Variants in CNTN6 observed in about 807,000 individuals in gnomAD.
CNTN6 encodes contactin-6.
A neutral mutation model predicts 122.8 loss-of-function variants in CNTN6; 137 were observed. The observed-to-expected ratio is 1.12, with a 90% confidence interval of 0.97 to 1.29. The LOEUF is 1.29. Among genes scored for constraint, CNTN6 ranks in the 50% most tolerant of loss-of-function variants. The pLI is 0.00. For missense variants in CNTN6, 1,634 were observed against 1,223.4 expected (o/e 1.34, Z -5.01); for synonymous variants, 570 against 426.0 (o/e 1.34, Z -4.16).
At chr3:1,287,918 C>T (rs953808026) in intron 5 of CNTN6, among the ~76,000 whole-genome samples, 10 of 152,194 alleles carry the variant, frequency 6.6e-5, no homozygotes, top group African/African-American at 2.4e-4. Context: ...CAAGGAATAA[C>T]CACGAAAATA....
intron 8 of CNTN6, among the ~76,000 whole-genome samples, chr3:1,322,235 G>C (rs1438416081): frequency 1.3e-5 from 2 of 151,562 alleles, no homozygotes; most frequent in Admixed American, 6.6e-5. Flanking sequence ...ATACTGCATG[G>C]TGGTTTATAA....
intron 1 of CNTN6, among the ~76,000 whole-genome samples, chr3:1,146,389 T>C (rs931478789): frequency 1.3e-5 from 2 of 152,122 alleles, no homozygotes; most frequent in Non-Finnish European, 2.9e-5. Flanking sequence ...TTTAGGAAGC[T>C]AGTCTCATCC....
chr3:1,295,932 A>T (rs41293393), intron 6 of CNTN6, 128 bp downstream of exon 6: 22,927 of 731,268 alleles, frequency 0.031, 498 homozygotes, highest in Middle Eastern at 0.037. Context: ...CAATTCACAA[A>T]TATGTAAACC....
intron 2 of CNTN6, among the ~76,000 whole-genome samples, chr3:1,176,646 C>T (rs913763602): frequency 4.6e-5 from 7 of 152,142 alleles, no homozygotes; most frequent in Non-Finnish European, 1.0e-4. Flanking sequence ...AAAATATCTA[C>T]AGGTATCATA....
intron 1 of CNTN6, among the ~76,000 whole-genome samples, chr3:1,119,322 C>CGTGTGTTTGTGTGTGT (rs2091857734): frequency 7.9e-6 from 1 of 126,490 alleles, no homozygotes. Context: ...ACAGAAAAAT[C>CGTGTGTTTGTGTGTGT]GTGTGTGTGT....
In CNTN6 at chr3:1,366,195, A is replaced by G. The variant is rs548439404; in HGVS notation, c.1493-6104A>G. Among the ~76,000 whole-genome samples, 8 of 152,310 alleles carry G rather than the reference A, an allele frequency of 5.3e-5. No individual in the cohort carries two copies. The South Asian group carries it at 1.2e-3, about 24-fold the overall frequency. ...TAGATCAGACTTCCTACAAATGGCT[A>G]AGGAATATGCAAGAAGAATAGCATG... On this transcript the variant is annotated intron_variant, in intron 12 of 22. Transcript: ENST00000446702.
At chr3:1,136,468 C>A (rs1435016475) in intron 1 of CNTN6, among the ~76,000 whole-genome samples, 1 of 152,152 alleles carries the variant, frequency 6.6e-6, no homozygotes, top group Non-Finnish European at 1.5e-5. Context: ...TCTTCAAGTT[C>A]TGTAATGTAC....
At chr3:1,369,289 T>G (rs967708670) in intron 12 of CNTN6, among the ~76,000 whole-genome samples, 6 of 152,166 alleles carry the variant, frequency 3.9e-5, no homozygotes, top group Admixed American at 3.9e-4. Context: ...CATTACTGTA[T>G]AGTAACTAAT....
Position 1,227,960 on chromosome 3 carries a change from A to T in CNTN6, c.325A>T (p.Ile109Phe), listed in dbSNP as rs944451419. 3 of 1,613,786 alleles carry T rather than the reference A, an allele frequency of 1.9e-6. No homozygotes were observed. Among genetic ancestry groups the T allele is most frequent in the African/African-American group, 2.7e-5 (2 of 74,928 alleles). Residue 109 changes from isoleucine to phenylalanine, a missense_variant, in exon 4 of 23, where the codon ATT (isoleucine) becomes TTT (phenylalanine). Coordinates refer to ENST00000446702, the MANE Select transcript of CNTN6 (RefSeq NM_001289080.2). ...CCTGGCCACCAATCTTCTGGGGACA[A>T]TTCTGAGTCGGAAGGCAAAGCTCCA... ...QCLATNLLGT[I>F]LSRKAKLQFA... is the part of the protein sequence containing the mutation.
At chr3:1,395,668 G>A (rs1360004119) in intron 20 of CNTN6, among the ~76,000 whole-genome samples, 1 of 152,064 alleles carries the variant, frequency 6.6e-6, no homozygotes, top group Non-Finnish European at 1.5e-5. Flanking sequence ...AATCACATTT[G>A]CAAACTCCTT....
Position 1,403,230 on chromosome 3 carries a change from G to C in CNTN6, c.2987-88G>C, listed in dbSNP as rs1022779592. ...TAAAATATGTTACTAGAAGAGAAAT[G>C]ATAGTATGAAATTGGGGTTTTGAAA... is the stretch of plus-strand genomic sequence containing the variant. On this transcript the variant is annotated intron_variant, in intron 22 of 22. Transcript: ENST00000446702. 9.7e-5 allele frequency: 70 copies of C among 722,560 alleles called. No individual in the cohort carries two copies. In the South Asian group the frequency reaches 1.2e-3, roughly 12 times the overall value. 44.8% of individuals were successfully genotyped at this position (722,560 alleles called of 1,614,324 possible).
chr3:1,245,898 T>G (rs1004357464), intron 4 of CNTN6, among the ~76,000 whole-genome samples: 1 of 151,572 alleles, frequency 6.6e-6, no homozygotes, highest in Non-Finnish European at 1.5e-5. Context: ...AATACACAAA[T>G]TTTTAGCTGA....
At chr3:1,275,099 G>T (rs556665082) in intron 4 of CNTN6, among the ~76,000 whole-genome samples, 2 of 152,112 alleles carry the variant, frequency 1.3e-5, no homozygotes, top group African/African-American at 2.4e-5. Flanking sequence ...TACAAAGGCC[G>T]ATCCTTCCAT....
chr3:1,175,889 G>C (rs1038850462), intron 2 of CNTN6, among the ~76,000 whole-genome samples: 1 of 152,190 alleles, frequency 6.6e-6, no homozygotes, highest in African/African-American at 2.4e-5. Flanking sequence ...TAGATACAAT[G>C]GAGAAGAAGG....
intron 19 of CNTN6, among the ~76,000 whole-genome samples, chr3:1,385,137 T>C (rs1285967993): frequency 1.3e-5 from 2 of 148,782 alleles, no homozygotes; most frequent in Non-Finnish European, 3.0e-5. Context: ...ATTTATTCTC[T>C]TTTTTTTTCA....
chr3:1,295,069 A>G (rs1330805617), intron 5 of CNTN6, among the ~76,000 whole-genome samples: 1 of 152,220 alleles, frequency 6.6e-6, no homozygotes, highest in Non-Finnish European at 1.5e-5. Flanking sequence ...CTGGGGCAAC[A>G]TAGTGAGACC....
chr3:1,230,255 A>G (rs1281233740), intron 4 of CNTN6, among the ~76,000 whole-genome samples: 1 of 152,152 alleles, frequency 6.6e-6, no homozygotes, highest in Non-Finnish European at 1.5e-5. Context: ...TCAAATATCT[A>G]GTGGTATGAA....
chr3:1,098,258 TA>T (rs72483697), intron 1 of CNTN6, among the ~76,000 whole-genome samples: 26,694 of 150,684 alleles, frequency 0.18, 4,873 homozygotes, highest in African/African-American at 0.47. Context: ...AAAATAAAAA[TA>T]AAAAAAAGAG....
At chr3:1,243,728 A>C (rs2094520357) in intron 4 of CNTN6, among the ~76,000 whole-genome samples, 1 of 152,314 alleles carries the variant, frequency 6.6e-6, no homozygotes, top group African/African-American at 2.4e-5. Flanking sequence ...ATTGCTCGGC[A>C]GGTGGGGAAG....
Sources: allele counts gnomAD v4.1 joint callset (sites outside exome capture counted in the v4.1 genomes callset), GRCh38; gene constraint gnomAD v4.1.1; transcripts MANE v1.5; gene names NCBI Gene and HGNC (gene_info 2026-07-23, HGNC 2026-07-21).